Variants in HIVEP2 observed in about 807,000 individuals in gnomAD.
HIVEP2 encodes the protein HIVEP zinc finger 2.
In HIVEP2, 14 loss-of-function variants were observed where a neutral mutation model predicts 180.7. That is an observed-to-expected ratio of 0.08 (90% confidence interval 0.05 to 0.12). The LOEUF is 0.12. HIVEP2 is among the 10% of genes least tolerant of loss of function. The pLI, the probability that HIVEP2 is intolerant of heterozygous loss-of-function variation, is 1.00. For synonymous variants in HIVEP2, 1,184 were observed against 1,136.4 expected (o/e 1.04, Z -0.84); for missense variants, 2,579 against 3,008.5 (o/e 0.86, Z 3.34).
At chr6:142,926,956 A>G (rs1777830791) in intron 1 of HIVEP2, among the ~76,000 whole-genome samples, 1 of 151,812 alleles carries the variant, frequency 6.6e-6, no homozygotes, top group Admixed American at 6.6e-5. Context: ...CTCGGGTGTC[A>G]GCGGACGGGG....
chr6:142,926,998 A>G (rs995453429), intron 1 of HIVEP2, among the ~76,000 whole-genome samples: 12 of 151,314 alleles, frequency 7.9e-5, no homozygotes, highest in Non-Finnish European at 7.4e-5. Context: ...CAGGGCAGGC[A>G]GCGCGCGGCG....
chr6:142,845,796 G>A (rs1271323548), intron 1 of HIVEP2, among the ~76,000 whole-genome samples: 1 of 152,250 alleles, frequency 6.6e-6, no homozygotes, highest in Non-Finnish European at 1.5e-5. Context: ...CAGATTGACA[G>A]CGCCCTGGCA....
chr6:142,916,684 G>A (rs1001764541), intron 1 of HIVEP2, among the ~76,000 whole-genome samples: 1 of 152,106 alleles, frequency 6.6e-6, no homozygotes, highest in African/African-American at 2.4e-5. Context: ...ATAAGAGTAG[G>A]AAAGAAGTTA....
At chr6:142,838,280 C>T (rs764861873) in intron 1 of HIVEP2, among the ~76,000 whole-genome samples, 9 of 152,044 alleles carry the variant, frequency 5.9e-5, no homozygotes, top group Non-Finnish European at 1.0e-4. Flanking sequence ...AGTCTTACTG[C>T]TATTCAAGAA....
At chr6:142,791,589 T>C (rs1330551725) in intron 2 of HIVEP2, among the ~76,000 whole-genome samples, 1 of 152,212 alleles carries the variant, frequency 6.6e-6, no homozygotes, top group Non-Finnish European at 1.5e-5. Context: ...CAGAATTCCA[T>C]CTGCAGGCTC....
At position 142,945,111 on chromosome 6, in the gene HIVEP2, C is replaced by G. The variant is rs1405858194; in HGVS notation, c.-653G>C. ...CCTCCCCCGCTACCTGACAACGGGC[C>G]GCCGCCGGCCGCCGCAGCCGCAGCG... On this transcript the variant is annotated 5_prime_UTR_variant, in exon 1 of 10. Transcript: ENST00000367603. The surrounding 1 kb of genome is among the most constrained non-coding windows in gnomAD (Gnocchi z 5.5). 1 of 148,180 alleles carries G rather than the reference C, an allele frequency of 6.7e-6. No homozygotes were observed. The highest frequency in any genetic ancestry group is 1.5e-5 in the Non-Finnish European group (1 of 66,778). The allele number at this position is 148,180 out of a possible 1,614,324, so 9.2% of individuals were successfully genotyped here.
rs530610868 is a variant in HIVEP2 at position 142,860,353 on chromosome 6, C to A, written c.-640-23306G>T. Among the ~76,000 whole-genome samples, 2 of 152,236 alleles carry A rather than the reference C, an allele frequency of 1.3e-5. 1 individual carries two copies. Among genetic ancestry groups the A allele is most frequent in the East Asian group, 3.9e-4 (2 of 5,192 alleles). On this transcript the variant is annotated intron_variant, in intron 1 of 9. Transcript: ENST00000367603. ...AAAGCTCTACAACAGTGGTCCCCAA[C>A]CTTTTGGGCACCAGGGACTGGTTTC...
At chr6:142,829,625 T>C (rs1775022627) in intron 2 of HIVEP2, among the ~76,000 whole-genome samples, 1 of 152,272 alleles carries the variant, frequency 6.6e-6, no homozygotes, top group Admixed American at 6.5e-5. Context: ...CTCATCATTG[T>C]ATTCCTCCAC....
intron 2 of HIVEP2, among the ~76,000 whole-genome samples, chr6:142,804,575 T>C (rs1411560393): frequency 6.6e-6 from 1 of 151,840 alleles, no homozygotes; most frequent in Non-Finnish European, 1.5e-5. Context: ...AGGTCCTGAG[T>C]TATGACCCCT....
intron 1 of HIVEP2, among the ~76,000 whole-genome samples, chr6:142,873,150 A>T (rs1395861407): frequency 2.0e-5 from 3 of 152,106 alleles, no homozygotes; most frequent in Non-Finnish European, 4.4e-5. Flanking sequence ...CATAGAACAG[A>T]CTCACCTGCC....
Position 142,773,772 on chromosome 6 carries a change from T to A in HIVEP2, c.967A>T (p.Met323Leu). 2 of 1,614,058 alleles carry A rather than the reference T, an allele frequency of 1.2e-6. No homozygotes were observed. The highest frequency in any genetic ancestry group is 8.5e-7 in the Non-Finnish European group (1 of 1,180,036). ...GSLEESLGGP[M>L]KVPILIIPKS... ...GGGATAATCAAAATCGGCACCTTCA[T>A]TGGACCTCCCAATGATTCTTCCAAT... The change falls in exon 5 of 10, where the codon ATG becomes TTG. Residue 323 changes from methionine (M) to leucine (L), a missense_variant. Met to Leu is a conservative substitution (Grantham distance 15, BLOSUM62 2). This residue lies in a region of HIVEP2 where 142 missense variants were observed against 135.2 expected (regional missense o/e 1.05). Transcript: ENST00000367603.
intron 1 of HIVEP2, among the ~76,000 whole-genome samples, chr6:142,863,997 A>G (rs1776071964): frequency 6.6e-6 from 1 of 152,128 alleles, no homozygotes; most frequent in African/African-American, 2.4e-5. Flanking sequence ...TGTTAAGAGG[A>G]TATGTGTGTG....
chr6:142,847,489 C>T (rs1775546827), intron 1 of HIVEP2, among the ~76,000 whole-genome samples: 1 of 152,034 alleles, frequency 6.6e-6, no homozygotes, highest in Non-Finnish European at 1.5e-5. Flanking sequence ...ATGGTCACTG[C>T]TGCTATGGTA....
intron 1 of HIVEP2, among the ~76,000 whole-genome samples, chr6:142,900,927 T>C (rs775199608): frequency 9.2e-5 from 14 of 152,216 alleles, no homozygotes; most frequent in African/African-American, 1.4e-4. Context: ...CGTGTTGCCA[T>C]GGAGCTGAAA....
chr6:142,900,671 C>T (rs867758394), intron 1 of HIVEP2, among the ~76,000 whole-genome samples: 8 of 152,084 alleles, frequency 5.3e-5, no homozygotes, highest in Admixed American at 3.3e-4. Flanking sequence ...TCTTTAATTG[C>T]CTCTTCTGGC....
intron 1 of HIVEP2, among the ~76,000 whole-genome samples, chr6:142,912,389 A>G (rs898461518): frequency 6.6e-6 from 1 of 152,182 alleles, no homozygotes; most frequent in Non-Finnish European, 1.5e-5. Flanking sequence ...AAGCCCCTCT[A>G]GTAGAATTCA....
chr6:142,774,598 T>C lies in HIVEP2; in HGVS notation c.141A>G (p.Gln47=). The C allele has an allele frequency of 6.2e-7, 1 of 1,614,232 alleles. No homozygotes were observed. The highest frequency in any genetic ancestry group is 8.5e-7 in the Non-Finnish European group (1 of 1,180,046). ...CGATTTGCTCAGGCTCTATTTGTGG[T>C]TGCCGCTGTCCTTCATGACTGCCAA... ...STFGSHEGQR[Q]PQIEPEQIGN... The change falls in exon 5 of 10, where the codon CAA becomes CAG. Residue 47 remains glutamine (Q), a synonymous_variant. Coordinates refer to ENST00000367603, the MANE Select transcript of HIVEP2 (RefSeq NM_006734.4). This position sits in a 1 kb window ranked among gnomAD's most constrained non-coding sequence, Gnocchi z 5.1.
chr6:142,792,152 A>G (rs1174452896), intron 2 of HIVEP2, among the ~76,000 whole-genome samples: 2 of 152,190 alleles, frequency 1.3e-5, no homozygotes, highest in Non-Finnish European at 2.9e-5. Context: ...ACAGAGAGAC[A>G]TCAGTGGTTC....
intron 1 of HIVEP2, among the ~76,000 whole-genome samples, chr6:142,851,840 T>G (rs957746321): frequency 2.6e-5 from 4 of 152,276 alleles, no homozygotes; most frequent in African/African-American, 9.6e-5. Flanking sequence ...GATTACTCAC[T>G]ATTTGAGCTG....
Sources: allele counts gnomAD v4.1 joint callset (sites outside exome capture counted in the v4.1 genomes callset), GRCh38; gene constraint gnomAD v4.1.1; regional missense constraint gnomAD v4.1.1; non-coding constraint Gnocchi (gnomAD v3.1); transcripts MANE v1.5; gene names NCBI Gene and HGNC (gene_info 2026-07-23, HGNC 2026-07-21).